Variants in CARMIL1 observed in about 807,000 individuals in gnomAD.
CARMIL1 encodes capping protein regulator and myosin 1 linker 1, also known as F-actin-uncapping protein LRRC16A.
Under a neutral mutation model 177.1 loss-of-function variants are expected in CARMIL1, and 90 were observed. That is an observed-to-expected ratio of 0.51 (90% CI 0.43 to 0.61). The LOEUF (loss-of-function observed/expected upper bound fraction) is 0.61. Ranked by LOEUF, CARMIL1 falls within the 20% of genes least tolerant of loss-of-function variation. The probability of loss-of-function intolerance (pLI) is 0.00; values close to 1 mark genes in which losing one functional copy is unlikely to be tolerated. For synonymous variants in CARMIL1, 577 were observed against 606.2 expected (o/e 0.95, Z 0.71); for missense variants, 1,380 against 1,667.0 (o/e 0.83, Z 3.00).
At chr6:25,448,579 C>T (rs116103098) in intron 5 of CARMIL1, among the ~76,000 whole-genome samples, 599 of 152,322 alleles carry the variant, frequency 3.9e-3, no homozygotes, top group African/African-American at 7.1e-3. Flanking sequence ...CTACGTCCCA[C>T]CTCTTCTCCT....
chr6:25,607,981 C>G, intron 35 of CARMIL1, among the ~76,000 whole-genome samples: 1 of 152,116 alleles, frequency 6.6e-6, no homozygotes, highest in Non-Finnish European at 1.5e-5. Context: ...GGTCCATACA[C>G]AATGTTTTCA....
intron 2 of CARMIL1, among the ~76,000 whole-genome samples, chr6:25,374,699 A>C (rs1238694408): frequency 6.6e-6 from 1 of 152,184 alleles, no homozygotes; most frequent in Non-Finnish European, 1.5e-5. Context: ...TCTGGAGTTC[A>C]AGACTTAGGT....
intron 33 of CARMIL1, among the ~76,000 whole-genome samples, chr6:25,601,626 ACACT>A (rs1308851172): frequency 3.3e-5 from 5 of 152,220 alleles, no homozygotes; most frequent in Non-Finnish European, 7.3e-5. Flanking sequence ...AAAAGAAAAA[ACACT>A]CAAGGTATTC....
intron 2 of CARMIL1, among the ~76,000 whole-genome samples, chr6:25,410,076 A>ACTCCCCCCCCCCCCCCC (rs1794772255): frequency 7.1e-6 from 1 of 139,898 alleles, no homozygotes; most frequent in Non-Finnish European, 1.5e-5. Context: ...ATCTAAATCA[A>ACTCCCCCCCCCCCCCCC]CCCCCCCCGC....
intron 15 of CARMIL1, among the ~76,000 whole-genome samples, chr6:25,494,324 A>G (rs1220971983): frequency 6.6e-6 from 1 of 152,120 alleles, no homozygotes; most frequent in Non-Finnish European, 1.5e-5. Flanking sequence ...TGCTTTACAT[A>G]TACTGACTTA....
intron 10 of CARMIL1, 50 bp from the exon 11 acceptor site, chr6:25,472,377 G>A: frequency 2.4e-6 from 3 of 1,258,630 alleles, no homozygotes; most frequent in Non-Finnish European, 2.3e-6. Context: ...TGTTCCGTTC[G>A]AATGGTTTTA....
intron 8 of CARMIL1, among the ~76,000 whole-genome samples, chr6:25,459,822 A>G (rs774354201): frequency 6.6e-6 from 1 of 152,222 alleles, no homozygotes; most frequent in African/African-American, 2.4e-5. Flanking sequence ...GTACAGGAGA[A>G]TGCAATGTTG....
intron 2 of CARMIL1, among the ~76,000 whole-genome samples, chr6:25,376,880 T>TGGG (rs1791038485): frequency 6.6e-6 from 1 of 152,046 alleles, no homozygotes; most frequent in Non-Finnish European, 1.5e-5. Flanking sequence ...CTCAGTGAAA[T>TGGG]GCACTGAGGT....
At chr6:25,306,294 C>G (rs1304144504) in intron 2 of CARMIL1, among the ~76,000 whole-genome samples, 1 of 152,180 alleles carries the variant, frequency 6.6e-6, no homozygotes, top group Non-Finnish European at 1.5e-5. Context: ...GGTCACACAG[C>G]AGGAGGTGAG....
At chr6:25,440,480 G>A (rs771012299) in intron 5 of CARMIL1, among the ~76,000 whole-genome samples, 1 of 152,164 alleles carries the variant, frequency 6.6e-6, no homozygotes, top group Admixed American at 6.5e-5. Context: ...AGCTTGTCTC[G>A]ATAAGCCTAA....
At chr6:25,309,857 T>C (rs2744297) in intron 2 of CARMIL1, among the ~76,000 whole-genome samples, 109,175 of 150,030 alleles carry the variant, frequency 0.73, 40,510 homozygotes, top group African/African-American at 0.87. Flanking sequence ...GCAAGCTCCG[T>C]CTCCTGGGTT....
intron 2 of CARMIL1, among the ~76,000 whole-genome samples, chr6:25,371,925 GTA>G (rs1790462859): frequency 6.6e-6 from 1 of 152,154 alleles, no homozygotes; most frequent in South Asian, 2.1e-4. Context: ...GTTGATTTTT[GTA>G]TATGGTGAGA....
At chr6:25,366,124 C>G (rs1032984728) in intron 2 of CARMIL1, among the ~76,000 whole-genome samples, 2 of 151,490 alleles carry the variant, frequency 1.3e-5, no homozygotes, top group Non-Finnish European at 2.9e-5. Flanking sequence ...TCCCAAATAG[C>G]TAGGATTACA....
intron 26 of CARMIL1, among the ~76,000 whole-genome samples, chr6:25,548,442 G>A (rs780856660): frequency 6.6e-6 from 1 of 152,116 alleles, no homozygotes; most frequent in Non-Finnish European, 1.5e-5. Context: ...ATATATTCAG[G>A]CGGAAAAGTT....
chr6:25,594,480 AG>A lies in CARMIL1; in HGVS notation c.3074del (p.Gly1025ValfsTer2), dbSNP rs1282664967. ...QNGLMGRVDE[G>X]VDEFFTKKVT... The stretch of plus-strand genomic sequence containing the variant: ...ATGGTCTCATGGGGAGAGTGGATGA[AG>A]GTGTAGATGAATTTTTTACCAAGAA... On this transcript the variant is annotated frameshift_variant, in exon 32 of 37. Coordinates refer to ENST00000329474, the MANE Select transcript of CARMIL1 (RefSeq NM_017640.6). LOFTEE classifies it high-confidence loss of function. 6.2e-7 allele frequency: 1 copy of A among 1,613,618 alleles called. No individual in the cohort carries two copies. The highest frequency in any genetic ancestry group is 1.1e-5 in the South Asian group (1 of 91,062).
chr6:25,510,695 A>C lies in CARMIL1; in HGVS notation c.1578-13A>C. On this transcript the variant is annotated splice_polypyrimidine_tract_variant and intron_variant, in intron 19 of 36. Transcript: ENST00000329474. The stretch of plus-strand genomic sequence containing the variant: ...ATTTGATTCCACTGTCCACATCTCT[A>C]AAATCTCTTTAGAAATCTGACACCT... The C allele has an allele frequency of 6.5e-7, 1 of 1,541,538 alleles. No individual in the cohort carries two copies. The highest frequency in any genetic ancestry group is 2.0e-5 in the Admixed American group (1 of 50,926).
chr6:25,404,466 C>G (rs1051779879), intron 2 of CARMIL1, among the ~76,000 whole-genome samples: 2 of 152,118 alleles, frequency 1.3e-5, no homozygotes, highest in Non-Finnish European at 2.9e-5. Flanking sequence ...GAGCTTTAAA[C>G]ATAATAGAGG....
intron 1 of CARMIL1, among the ~76,000 whole-genome samples, chr6:25,281,847 G>A (rs1781140913): frequency 6.6e-6 from 1 of 152,130 alleles, no homozygotes; most frequent in Admixed American, 6.5e-5. Flanking sequence ...GAGCGTGGTG[G>A]CTCACCCCTG....
chr6:25,564,668 C>G (rs1377581182), intron 29 of CARMIL1, among the ~76,000 whole-genome samples: 1 of 151,992 alleles, frequency 6.6e-6, no homozygotes, highest in Non-Finnish European at 1.5e-5. Context: ...AGGCTCAGAA[C>G]TGAATGTGCA....
Sources: gnomAD v4.1 joint callset for allele counts (sites outside exome capture counted in the v4.1 genomes callset) on GRCh38, gnomAD v4.1.1 for gene constraint, MANE v1.5 for transcripts, NCBI Gene and HGNC (gene_info 2026-07-23, HGNC 2026-07-21) for gene names.